Variants in RIN3 observed in about 807,000 individuals in gnomAD.
RIN3 encodes the protein RAB5 interacting protein 3.
Under a neutral mutation model 76.3 loss-of-function variants are expected in RIN3, and 54 were observed. The ratio of observed to expected loss-of-function variants is 0.71; its 90% CI spans 0.57 to 0.89. The LOEUF is 0.89. Among genes scored for constraint, RIN3 ranks in the 40% least tolerant of loss-of-function variants. The pLI is 0.00. For synonymous variants in RIN3, 576 were observed against 564.0 expected (o/e 1.02, Z -0.30); for missense variants, 1,256 against 1,322.1 (o/e 0.95, Z 0.78).
rs565604074 is a variant in RIN3, at chr14:92,576,356, A to G, written c.250-1004A>G. 8.5e-5 allele frequency: 109 copies of G among 1,289,886 alleles called. No homozygotes were observed. The African/African-American group carries it at 1.6e-3, about 19-fold the overall frequency. The allele number at this position is 1,289,886 out of a possible 1,614,324, so 79.9% of individuals were successfully genotyped here. ...GAGAAGGAGAAGCGAGTGTCCGTCAACATGCTGGCTCTGGGTGAGACCTCG... is the reference window on the plus strand; with the variant it reads ...GAGAAGGAGAAGCGAGTGTCCGTCAGCATGCTGGCTCTGGGTGAGACCTCG... On this transcript the variant is annotated intron_variant, in intron 2 of 9. Transcript: ENST00000216487.
In RIN3 at chr14:92,651,975, G is replaced by C. The variant is rs1324946654; in HGVS notation, c.926G>C (p.Cys309Ser). 2 of 1,504,014 alleles carry C rather than the reference G, an allele frequency of 1.3e-6. No homozygotes were observed. Among genetic ancestry groups the C allele is most frequent in the East Asian group, 2.4e-5 (1 of 42,340 alleles). 93.2% of individuals were successfully genotyped at this position (1,504,014 alleles called of 1,614,324 possible). The change falls in exon 6 of 10, where the codon TGT (cysteine) becomes TCT (serine). Residue 309 changes from cysteine (C) to serine (S), a missense_variant. This residue lies in a region of RIN3 where 610 missense variants were observed against 626.4 expected (regional missense o/e 0.97). Coordinates refer to ENST00000216487, the MANE Select transcript of RIN3 (RefSeq NM_024832.5). Reference sequence around the variant, plus strand: ...CCTGCTCTTGCCCCCGCCCCTGCCTGTCCTTTGCCCACCTCTCCCCCAGTG... The same window carrying C: ...CCTGCTCTTGCCCCCGCCCCTGCCTCTCCTTTGCCCACCTCTCCCCCAGTG... ...VLPALAPAPA[C>S]PLPTSPPVPA...
At chr14:92,578,241 A>G (rs985460992) in intron 3 of RIN3, among the ~76,000 whole-genome samples, 2 of 151,906 alleles carry the variant, frequency 1.3e-5, no homozygotes, top group Admixed American at 6.6e-5. Flanking sequence ...GCCTAAAAAA[A>G]AAAAAAAAGA....
At chr14:92,676,446 A>T (rs760908347) in intron 7 of RIN3, 29 bp from the exon 8 acceptor site, 3 of 1,610,092 alleles carry the variant, frequency 1.9e-6, no homozygotes, top group Non-Finnish European at 2.5e-6. Flanking sequence ...CCTGGAACTC[A>T]TCTCCCTCTG....
In RIN3 at chr14:92,544,703, T is replaced by C. The variant is rs565755062; in HGVS notation, c.45-11048T>C. 2.3e-5 allele frequency among the ~76,000 whole-genome samples: 3 copies of C among 133,200 alleles called. No homozygotes were observed. In the South Asian group the frequency reaches 7.7e-4, roughly 34 times the overall value. 87.4% of individuals were successfully genotyped at this position (133,200 alleles called of 152,430 possible). ...ACCCGGGGGTATGTGTGTTTATACA[T>C]GAGAGCTTTTTTTTTTAAATTAAAT... On this transcript the variant is annotated intron_variant, in intron 1 of 9. Transcript: ENST00000216487.
intron 6 of RIN3, among the ~76,000 whole-genome samples, chr14:92,655,336 A>G (rs1160731795): frequency 6.6e-6 from 1 of 152,252 alleles, no homozygotes; most frequent in Non-Finnish European, 1.5e-5. Context: ...CAACAGAGCG[A>G]GACTCTGTCT....
At chr14:92,655,260 A>G (rs1887624031) in intron 6 of RIN3, among the ~76,000 whole-genome samples, 1 of 152,138 alleles carries the variant, frequency 6.6e-6, no homozygotes, top group Non-Finnish European at 1.5e-5. Context: ...AGGCACAAGA[A>G]TTGCTTGAAT....
chr14:92,597,693 C>T (rs941996386), intron 3 of RIN3, among the ~76,000 whole-genome samples: 2 of 152,218 alleles, frequency 1.3e-5, no homozygotes, highest in African/African-American at 4.8e-5. Context: ...CCTCAGAATT[C>T]CGTTCTTATA....
Position 92,544,156 on chromosome 14 carries a change from T to G in RIN3, c.45-11595T>G, listed in dbSNP as rs534456800. Among the ~76,000 whole-genome samples, 31 of 152,232 alleles carry G rather than the reference T, an allele frequency of 2.0e-4. No homozygotes were observed. The East Asian group carries it at 6.0e-3, about 29-fold the overall frequency. On this transcript the variant is annotated intron_variant, in intron 1 of 9. Transcript: ENST00000216487. ...GTCTCCCTGCTTTACACAAGAGGAC[T>G]CTGAGGCTCAAAGAGGTAGAGGAGC... is the stretch of plus-strand genomic sequence containing the variant.
chr14:92,687,665 C>T, intron 9 of RIN3: 2 of 492,992 alleles, frequency 4.1e-6, no homozygotes, highest in Non-Finnish European at 7.1e-6. Context: ...AGCCAGGGGA[C>T]GCGCCGGCTC....
At chr14:92,618,040 G>C (rs1256255592) in intron 4 of RIN3, among the ~76,000 whole-genome samples, 1 of 152,184 alleles carries the variant, frequency 6.6e-6, no homozygotes, top group South Asian at 2.1e-4. Flanking sequence ...TAAGAGAAAT[G>C]AACCAATGTT....
At chr14:92,517,436 A>T (rs1299276171) in intron 1 of RIN3, among the ~76,000 whole-genome samples, 1 of 152,088 alleles carries the variant, frequency 6.6e-6, no homozygotes, top group African/African-American at 2.4e-5. Context: ...CACCTAGGGG[A>T]TTGGGGGCAT....
In RIN3 at chr14:92,652,031, G is replaced by C. The variant is rs774441433; in HGVS notation, c.982G>C (p.Gly328Arg). The change falls in exon 6 of 10, where the codon GGT becomes CGT. Residue 328 changes from glycine (G) to arginine (R), a missense_variant. This residue lies in a region of RIN3 where 610 missense variants were observed against 626.4 expected (regional missense o/e 0.97). Transcript: ENST00000216487. The surrounding 1 kb of genome is among the most constrained non-coding windows in gnomAD (Gnocchi z 6.4). ...PAPHVTPHAP[G>R]PPDHPNQPPM... is the part of the protein sequence containing the mutation. ...CCCCCACGTCACACCCCATGCCCCA[G>C]GTCCCCCAGACCATCCGAACCAGCC... 1.1e-5 allele frequency: 16 copies of C among 1,484,596 alleles called. No individual in the cohort carries two copies. The African/African-American group carries it at 2.6e-4, about 24-fold the overall frequency. 92.0% of individuals were successfully genotyped at this position (1,484,596 alleles called of 1,614,324 possible). A position where few individuals can be genotyped will look rare whatever the true frequency, so the allele number is the denominator to read the frequency against.
At chr14:92,584,005 C>G (rs1166585600) in intron 3 of RIN3, among the ~76,000 whole-genome samples, 1 of 152,222 alleles carries the variant, frequency 6.6e-6, no homozygotes, top group East Asian at 1.9e-4. Context: ...TGCTTACCCC[C>G]TGCTGTGCGC....
intron 4 of RIN3, among the ~76,000 whole-genome samples, chr14:92,620,355 CAG>C (rs368298421): frequency 2.6e-5 from 4 of 152,038 alleles, no homozygotes; most frequent in African/African-American, 9.7e-5. Flanking sequence ...AGACGTTAGG[CAG>C]AGAGAGAGAA....
rs140339645 is a variant in RIN3, at chr14:92,675,299, A to C, written c.2336-1176A>C. Among the ~76,000 whole-genome samples the C allele has an allele frequency of 6.5e-4, 99 of 152,274 alleles. 1 individual carries two copies. The East Asian group carries it at 0.015, about 23-fold the overall frequency. Reference sequence around the variant, plus strand: ...TTTATATTGGTACTGATGGTTTTCAAATTTTTATTTAGATGTTACTGTTTT... The same window carrying C: ...TTTATATTGGTACTGATGGTTTTCACATTTTTATTTAGATGTTACTGTTTT... On this transcript the variant is annotated intron_variant, in intron 7 of 9. Coordinates refer to ENST00000216487, the MANE Select transcript of RIN3 (RefSeq NM_024832.5).
Position 92,623,966 on chromosome 14 carries a change from G to A in RIN3, c.440+8487G>A, listed in dbSNP as rs1481989366. Among the ~76,000 whole-genome samples, 3 of 152,204 alleles carry A rather than the reference G, an allele frequency of 2.0e-5. No individual in the cohort carries two copies. The highest frequency in any genetic ancestry group is 4.4e-5 in the Non-Finnish European group (3 of 68,034). ...AGTTCGACAGAATTCACTATCCCAG[G>A]CTGTAGGGTGTTGGAAAAGAGCCAC... is the stretch of plus-strand genomic sequence containing the variant. On this transcript the variant is annotated intron_variant, in intron 4 of 9. Transcript: ENST00000216487. This position sits in a 1 kb window ranked among gnomAD's most constrained non-coding sequence, Gnocchi z 4.9.
In RIN3 at chr14:92,688,344, G is replaced by A; in HGVS notation, c.*92G>A. On this transcript the variant is annotated 3_prime_UTR_variant, in exon 10 of 10. Transcript: ENST00000216487. ...CCGACCGCGACGTCCACGCAGCAGA[G>A]GGACATGGGCCATTCCATGACGTGC... 4.0e-6 allele frequency: 5 copies of A among 1,235,026 alleles called. No homozygotes were observed. Among genetic ancestry groups the A allele is most frequent in the Non-Finnish European group, 5.5e-6 (5 of 913,968 alleles). The allele number at this position is 1,235,026 out of a possible 1,614,324, so 76.5% of individuals were successfully genotyped here.
chr14:92,550,588 C>T (rs1470174041), intron 1 of RIN3, among the ~76,000 whole-genome samples: 2 of 151,992 alleles, frequency 1.3e-5, no homozygotes, highest in Admixed American at 6.6e-5. Flanking sequence ...GCTAATTTTT[C>T]GAAAGTTTTT....
chr14:92,615,477 T>G lies in RIN3; in HGVS notation c.438T>G (p.Ser146Arg). 2 of 1,613,512 alleles carry G rather than the reference T, an allele frequency of 1.2e-6. No homozygotes were observed. Among genetic ancestry groups the G allele is most frequent in the Non-Finnish European group, 1.7e-6 (2 of 1,179,420 alleles). ...IFRLIAFYCV[S>R]RDLLPFTLRL... ...GATTGATTGCGTTCTACTGTGTCAGTAGGTGAGTAGACCCGGCCCTGCAGG... is the reference window on the plus strand; with the variant it reads ...GATTGATTGCGTTCTACTGTGTCAGGAGGTGAGTAGACCCGGCCCTGCAGG... The change falls in exon 4 of 10, where the codon AGT becomes AGG. Residue 146 changes from serine (S) to arginine (R), a missense_variant and splice_region_variant. Coordinates refer to ENST00000216487, the MANE Select transcript of RIN3 (RefSeq NM_024832.5).
Sources: gnomAD v4.1 joint callset for allele counts (sites outside exome capture counted in the v4.1 genomes callset) on GRCh38, gnomAD v4.1.1 for gene constraint, gnomAD v4.1.1 regional missense constraint, Gnocchi (gnomAD v3.1) non-coding constraint, MANE v1.5 for transcripts, NCBI Gene and HGNC (gene_info 2026-07-23, HGNC 2026-07-21) for gene names.